The following ALK variants were observed in gnomAD, a reference collection of about 807,000 sequenced individuals.
ALK encodes the protein ALK tyrosine kinase receptor.
A neutral mutation model predicts 163.1 loss-of-function variants in ALK; 74 were observed. The ratio of observed to expected loss-of-function variants is 0.45; its 90% CI spans 0.38 to 0.55. ALK has a LOEUF of 0.55. Ranked by LOEUF, ALK falls within the 20% of genes least tolerant of loss-of-function variation. The pLI, the probability that ALK is intolerant of heterozygous loss-of-function variation, is 0.00. For missense variants in ALK, 2,063 were observed against 2,105.3 expected (o/e 0.98, Z 0.39); for synonymous variants, 960 against 843.2 (o/e 1.14, Z -2.40).
rs79430615 is a variant in ALK at position 29,264,012 on chromosome 2, T to C, written c.2041+11087A>G. On this transcript the variant is annotated intron_variant, in intron 11 of 28. Coordinates refer to ENST00000389048, the MANE Select transcript of ALK (RefSeq NM_004304.5). ...CACTGAACAGAGAATCCTGCTGCTG[T>C]CTCTCAAACAGCAATGCCAGCCTGG... Among the ~76,000 whole-genome samples the C allele has an allele frequency of 5.9e-3, 898 of 152,334 alleles. 9 individuals carry two copies. Among genetic ancestry groups the C allele is most frequent in the African/African-American group, 0.02 (849 of 41,574 alleles).
intron 3 of ALK, among the ~76,000 whole-genome samples, chr2:29,680,152 G>C (rs1363863096): frequency 6.6e-6 from 1 of 151,862 alleles, no homozygotes; most frequent in Non-Finnish European, 1.5e-5. Context: ...GATATGTCTA[G>C]ATGTAGATCT....
chr2:29,379,296 T>C (rs1354089244), intron 5 of ALK, among the ~76,000 whole-genome samples: 1 of 152,182 alleles, frequency 6.6e-6, no homozygotes, highest in Non-Finnish European at 1.5e-5. Context: ...CCATTTCTAC[T>C]TACAGCTACT....
At chr2:29,532,768 C>T (rs900426381) in intron 3 of ALK, among the ~76,000 whole-genome samples, 32 of 152,168 alleles carry the variant, frequency 2.1e-4, no homozygotes, top group Non-Finnish European at 2.9e-5. Flanking sequence ...AAAAGCACAC[C>T]ACCATTATAT....
At chr2:29,238,035 G>A (rs1398617720) in intron 13 of ALK, among the ~76,000 whole-genome samples, 2 of 152,180 alleles carry the variant, frequency 1.3e-5, no homozygotes, top group Non-Finnish European at 2.9e-5. Context: ...ATGTGCACAT[G>A]TGCTGTGTTT....
chr2:29,340,106 A>G (rs1667746087), intron 5 of ALK, among the ~76,000 whole-genome samples: 1 of 152,240 alleles, frequency 6.6e-6, no homozygotes, highest in Non-Finnish European at 1.5e-5. Flanking sequence ...CTGTAATATT[A>G]TAAATGACCT....
At chr2:29,614,197 A>G (rs2148223683) in intron 3 of ALK, among the ~76,000 whole-genome samples, 1 of 152,120 alleles carries the variant, frequency 6.6e-6, no homozygotes, top group South Asian at 2.1e-4. Flanking sequence ...TGCCTCCCGA[A>G]CCCTTAGTAT....
chr2:29,835,696 T>C (rs1387867205), intron 1 of ALK, among the ~76,000 whole-genome samples: 1 of 152,204 alleles, frequency 6.6e-6, no homozygotes, highest in Non-Finnish European at 1.5e-5. Context: ...TGGGACACAA[T>C]TGAATCATGT....
At chr2:29,823,181 G>C (rs1017838010) in intron 1 of ALK, among the ~76,000 whole-genome samples, 5 of 152,164 alleles carry the variant, frequency 3.3e-5, no homozygotes, top group African/African-American at 1.2e-4. Context: ...ACCCATGTAA[G>C]ACATGATTTG....
chr2:29,776,646 A>T (rs1427297723), intron 1 of ALK, among the ~76,000 whole-genome samples: 1 of 152,098 alleles, frequency 6.6e-6, no homozygotes, highest in East Asian at 1.9e-4. Flanking sequence ...ACAAGTCCTG[A>T]TTTTGCTGGG....
At chr2:29,705,417 TC>T (rs533655966) in intron 2 of ALK, among the ~76,000 whole-genome samples, 22 of 151,410 alleles carry the variant, frequency 1.5e-4, no homozygotes, top group Admixed American at 5.9e-4. Flanking sequence ...TGTGTCTTCC[TC>T]TGCCTCAGAT....
chr2:29,688,842 G>A (rs1678311017), intron 3 of ALK, among the ~76,000 whole-genome samples: 1 of 152,202 alleles, frequency 6.6e-6, no homozygotes, highest in Non-Finnish European at 1.5e-5. Flanking sequence ...CAGACAAACT[G>A]AAGTGTGTAA....
chr2:29,293,429 A>G (rs1361846771), intron 9 of ALK, among the ~76,000 whole-genome samples: 1 of 151,264 alleles, frequency 6.6e-6, no homozygotes, highest in African/African-American at 2.4e-5. Context: ...ATATTCAGAT[A>G]TAAAAAAGAT....
intron 9 of ALK, among the ~76,000 whole-genome samples, chr2:29,292,968 T>C (rs1366600603): frequency 6.6e-6 from 1 of 152,218 alleles, no homozygotes; most frequent in Non-Finnish European, 1.5e-5. Context: ...TCTAGTTCTC[T>C]CTATCACAAG....
At chr2:29,290,008 G>T (rs1043740371) in intron 9 of ALK, among the ~76,000 whole-genome samples, 1 of 152,206 alleles carries the variant, frequency 6.6e-6, no homozygotes, top group East Asian at 1.9e-4. Context: ...GGGCTGTATT[G>T]CTTGTCTGGG....
intron 4 of ALK, among the ~76,000 whole-genome samples, chr2:29,390,588 A>AC (rs1459548090): frequency 6.6e-6 from 1 of 151,762 alleles, no homozygotes; most frequent in South Asian, 2.1e-4. Context: ...GAAAAAAAAA[A>AC]AACATTTGAA....
intron 2 of ALK, among the ~76,000 whole-genome samples, chr2:29,706,975 ATGTGTGTG>A (rs766564449): frequency 0.028 from 2,839 of 102,746 alleles, 66 homozygotes; most frequent in African/African-American, 0.069. Flanking sequence ...CTCATGCAGA[ATGTGTGTG>A]TGTGTGTGTG....
intron 1 of ALK, among the ~76,000 whole-genome samples, chr2:29,792,912 A>T (rs1664222780): frequency 6.6e-6 from 1 of 152,140 alleles, no homozygotes; most frequent in Admixed American, 6.5e-5. Context: ...CTCAATATTG[A>T]TGGTTGGGGT....
chr2:29,552,350 T>G (rs554671274), intron 3 of ALK, among the ~76,000 whole-genome samples: 53 of 152,318 alleles, frequency 3.5e-4, no homozygotes, highest in African/African-American at 1.3e-3. Context: ...TTTGAATTTT[T>G]GGGGGTGTAT....
At chr2:29,612,602 C>T (rs1442750157) in intron 3 of ALK, among the ~76,000 whole-genome samples, 1 of 152,192 alleles carries the variant, frequency 6.6e-6, no homozygotes, top group African/African-American at 2.4e-5. Flanking sequence ...CCGAATTCCC[C>T]CAAAACTTAC....
Sources: allele counts gnomAD v4.1 joint callset (sites outside exome capture counted in the v4.1 genomes callset), GRCh38; gene constraint gnomAD v4.1.1; transcripts MANE v1.5; gene names NCBI Gene and HGNC (gene_info 2026-07-23, HGNC 2026-07-21).